Variants in PLD5 observed in about 807,000 individuals in gnomAD.
The protein encoded by PLD5 is inactive phospholipase D5.
Under a neutral mutation model 61.1 loss-of-function variants are expected in PLD5, and 36 were observed. That is an observed-to-expected ratio of 0.59 (90% CI 0.45 to 0.78). PLD5 has a LOEUF of 0.78. Ranked by LOEUF, PLD5 falls within the 30% of genes least tolerant of loss-of-function variation. The pLI is 0.00. For synonymous variants in PLD5, 243 were observed against 242.8 expected, an observed-to-expected ratio of 1.00 and a Z score of -0.01; for missense variants, 515 against 644.4, an observed-to-expected ratio of 0.80 and a Z score of 2.17.
chr1:242,444,750 T>G (rs1011060885), intron 1 of PLD5, among the ~76,000 whole-genome samples: 18 of 145,774 alleles, frequency 1.2e-4, no homozygotes, highest in African/African-American at 4.3e-4. Flanking sequence ...TAAAGTAGGC[T>G]ATATATATAA....
At chr1:242,154,346 C>G (rs1665173965) in intron 5 of PLD5, among the ~76,000 whole-genome samples, 1 of 152,042 alleles carries the variant, frequency 6.6e-6, no homozygotes, top group Non-Finnish European at 1.5e-5. Flanking sequence ...TCTTTTCTTG[C>G]CTGATTGCCC....
rs1558344714 is a variant in PLD5 at position 242,207,938 on chromosome 1, A to ATATT, written c.735+12049_735+12050insAATA. ...TTTATATATTTATATATATTTATATATTTATATATATTTATTTATATATAT... is the reference window on the plus strand; with the variant it reads ...TTTATATATTTATATATATTTATATATATTTTTATATATATTTATTTATATATAT... On this transcript the variant is annotated intron_variant, in intron 5 of 9. Transcript: ENST00000536534. Among the ~76,000 whole-genome samples the ATATT allele has an allele frequency of 1.2e-3, 91 of 74,916 alleles. 21 individuals carry two copies. The highest frequency in any genetic ancestry group is 5.8e-3 in the Middle Eastern group (1 of 172). 49.1% of individuals were successfully genotyped at this position (74,916 alleles called of 152,430 possible).
chr1:242,417,111 A>T (rs1048952822), intron 1 of PLD5, among the ~76,000 whole-genome samples: 2 of 152,226 alleles, frequency 1.3e-5, no homozygotes, highest in African/African-American at 4.8e-5. Context: ...GAGGTAGCCC[A>T]TGTGTAAAAA....
At chr1:242,331,442 G>T (rs1228758355) in intron 2 of PLD5, among the ~76,000 whole-genome samples, 1 of 151,976 alleles carries the variant, frequency 6.6e-6, no homozygotes, top group African/African-American at 2.4e-5. Context: ...ATCAGAAAAA[G>T]AATAACAAAG....
At chr1:242,197,822 C>T (rs568276586) in intron 5 of PLD5, among the ~76,000 whole-genome samples, 6 of 151,904 alleles carry the variant, frequency 3.9e-5, no homozygotes, top group Non-Finnish European at 5.9e-5. Context: ...TTTGCAAAGA[C>T]GGGGTTTCGC....
intron 6 of PLD5, among the ~76,000 whole-genome samples, chr1:242,120,404 T>C (rs1424342730): frequency 6.6e-6 from 1 of 152,148 alleles, no homozygotes; most frequent in Non-Finnish European, 1.5e-5. Context: ...CAGCCAGCTT[T>C]GGCCTCTCAA....
rs369599288 is a variant in PLD5 at position 242,503,862 on chromosome 1, C to T, written c.189+20226G>A. 7.9e-5 allele frequency among the ~76,000 whole-genome samples: 12 copies of T among 152,186 alleles called. No homozygotes were observed. The South Asian group carries it at 1.0e-3, about 13-fold the overall frequency. ...AAACAGACTCTAGAGCCTGCTGATG[C>T]GGAGCAGAAAGGTGGGAAGAACCCT... On this transcript the variant is annotated intron_variant, in intron 1 of 9. Transcript: ENST00000536534.
chr1:242,351,294 A>C (rs192809846), intron 1 of PLD5, among the ~76,000 whole-genome samples: 1 of 152,328 alleles, frequency 6.6e-6, no homozygotes, highest in East Asian at 1.9e-4. Flanking sequence ...TTATTGTATA[A>C]ATAGTGAATG....
At chr1:242,362,853 G>A (rs947939690) in intron 1 of PLD5, among the ~76,000 whole-genome samples, 3 of 151,820 alleles carry the variant, frequency 2.0e-5, no homozygotes, top group East Asian at 1.9e-4. Flanking sequence ...GGCACCCCTC[G>A]CTGTACATAT....
intron 1 of PLD5, among the ~76,000 whole-genome samples, chr1:242,451,874 T>C (rs1056801889): frequency 6.6e-6 from 1 of 152,210 alleles, no homozygotes; most frequent in Non-Finnish European, 1.5e-5. Context: ...ACCATGCTCC[T>C]GCTAGTACCT....
intron 1 of PLD5, among the ~76,000 whole-genome samples, chr1:242,504,311 G>T (rs985631228): frequency 1.2e-4 from 19 of 152,130 alleles, no homozygotes; most frequent in Non-Finnish European, 1.5e-5. Flanking sequence ...GTCTTCAAAT[G>T]ATTCAGTCCT....
intron 3 of PLD5, among the ~76,000 whole-genome samples, chr1:242,273,793 G>A (rs1191761978): frequency 1.3e-5 from 2 of 152,188 alleles, no homozygotes; most frequent in Admixed American, 6.5e-5. Flanking sequence ...CACAACTAGA[G>A]GAGAAGACAC....
chr1:242,494,188 C>G (rs1221957012), intron 1 of PLD5, among the ~76,000 whole-genome samples: 2 of 149,076 alleles, frequency 1.3e-5, no homozygotes, highest in African/African-American at 4.9e-5. Flanking sequence ...TTCTTCCTTC[C>G]TAATTCTAAC....
intron 8 of PLD5, among the ~76,000 whole-genome samples, chr1:242,101,978 A>T (rs1304778041): frequency 6.6e-6 from 1 of 152,230 alleles, no homozygotes; most frequent in Non-Finnish European, 1.5e-5. Flanking sequence ...ACGGTTATAG[A>T]CAATGATACC....
chr1:242,425,932 T>C lies in PLD5; in HGVS notation c.190-77690A>G, dbSNP rs181610797. The stretch of plus-strand genomic sequence containing the variant: ...TGCTGGGATTACAGGCATGAGCCAC[T>C]GCACCCGGCCAGCTTACTGTAACTT... On this transcript the variant is annotated intron_variant, in intron 1 of 9. Transcript: ENST00000536534. Among the ~76,000 whole-genome samples the C allele has an allele frequency of 3.2e-3, 486 of 152,206 alleles. 2 individuals are homozygous for C. Among genetic ancestry groups the C allele is most frequent in the African/African-American group, 0.011 (465 of 41,544 alleles).
At chr1:242,169,033 T>A (rs529628045) in intron 5 of PLD5, among the ~76,000 whole-genome samples, 83 of 151,940 alleles carry the variant, frequency 5.5e-4, no homozygotes, top group Admixed American at 1.1e-3. Flanking sequence ...AGTGCTTTAA[T>A]TCCCCCATAA....
intron 1 of PLD5, among the ~76,000 whole-genome samples, chr1:242,494,510 T>C (rs1322570553): frequency 6.6e-6 from 1 of 152,128 alleles, no homozygotes; most frequent in Non-Finnish European, 1.5e-5. Context: ...TCACTGACTC[T>C]CACTGTGTAC....
At chr1:242,482,788 A>G (rs1022558603) in intron 1 of PLD5, among the ~76,000 whole-genome samples, 1 of 152,228 alleles carries the variant, frequency 6.6e-6, no homozygotes, top group Non-Finnish European at 1.5e-5. Flanking sequence ...GAAGGAAAAA[A>G]TGTTAAGGGC....
intron 6 of PLD5, among the ~76,000 whole-genome samples, chr1:242,116,736 A>G (rs1311156553): frequency 6.6e-6 from 1 of 152,166 alleles, no homozygotes; most frequent in African/African-American, 2.4e-5. Context: ...GCTGCAAAAG[A>G]CATGATTTTA....
Sources: gnomAD v4.1 joint callset for allele counts (sites outside exome capture counted in the v4.1 genomes callset) on GRCh38, gnomAD v4.1.1 for gene constraint, MANE v1.5 for transcripts, NCBI Gene and HGNC (gene_info 2026-07-23, HGNC 2026-07-21) for gene names.